CACNA1D: variants seen among roughly 807,000 people sequenced by gnomAD.
The protein encoded by CACNA1D is voltage-dependent L-type calcium channel subunit alpha-1D.
Under a neutral mutation model 257.1 loss-of-function variants are expected in CACNA1D, and 55 were observed. The observed-to-expected ratio is 0.21, with a 90% CI of 0.17 to 0.27. The LOEUF (loss-of-function observed/expected upper bound fraction) is 0.27. Among genes scored for constraint, CACNA1D ranks in the 10% least tolerant of loss-of-function variants. The pLI is 1.00. For synonymous variants in CACNA1D, 980 were observed against 1,014.9 expected, an observed-to-expected ratio of 0.97 and a Z score of 0.65; for missense variants, 1,876 against 2,784.0, an observed-to-expected ratio of 0.67 and a Z score of 7.34.
At chr3:53,590,444 G>T (rs377456617) in intron 3 of CACNA1D, among the ~76,000 whole-genome samples, 25 of 152,364 alleles carry the variant, frequency 1.6e-4, no homozygotes, top group African/African-American at 5.8e-4. Context: ...GTATAGGGCA[G>T]ACCTAGTTTC....
At chr3:53,641,787 G>A (rs2093954010) in intron 3 of CACNA1D, among the ~76,000 whole-genome samples, 1 of 152,192 alleles carries the variant, frequency 6.6e-6, no homozygotes, top group Non-Finnish European at 1.5e-5. Flanking sequence ...GGAAAGCTGA[G>A]CCTAGATGAA....
At chr3:53,672,197 C>G (rs368522723) in intron 7 of CACNA1D, among the ~76,000 whole-genome samples, 2 of 152,188 alleles carry the variant, frequency 1.3e-5, no homozygotes, top group African/African-American at 4.8e-5. Context: ...CCTTTCACCT[C>G]TAAACCCAGT....
chr3:53,687,083 T>C (rs1488475681), intron 8 of CACNA1D, among the ~76,000 whole-genome samples: 1 of 151,998 alleles, frequency 6.6e-6, no homozygotes, highest in Non-Finnish European at 1.5e-5. Context: ...AGAAAAGATA[T>C]GGAAGACCTC....
chr3:53,554,753 A>G (rs552047379), intron 3 of CACNA1D, among the ~76,000 whole-genome samples: 31 of 152,358 alleles, frequency 2.0e-4, no homozygotes, highest in Admixed American at 1.9e-3. Context: ...GTAACCACCC[A>G]GGGACCAGCA....
At position 53,547,544 on chromosome 3, in the gene CACNA1D, G is replaced by A. The variant is rs75009694; in HGVS notation, c.483+45824G>A. Among the ~76,000 whole-genome samples, 1,059 of 152,236 alleles carry A rather than the reference G, an allele frequency of 7.0e-3. 16 individuals carry two copies. The highest frequency in any genetic ancestry group is 0.024 in the African/African-American group (1,002 of 41,520). ...TTGTGAGTCAGTTCTTTAGATGGGT[G>A]CGTCAGGGTTCTGCCTTCCTGTATT... On this transcript the variant is annotated intron_variant, in intron 3 of 47. Coordinates refer to ENST00000350061, the MANE Select transcript of CACNA1D (RefSeq NM_001128840.3).
In CACNA1D at chr3:53,530,603, T is replaced by G. The variant is rs150229801; in HGVS notation, c.483+28883T>G. On this transcript the variant is annotated intron_variant, in intron 3 of 47. Transcript: ENST00000350061. ...GCTTGAAGCACCTGGTGACATCTGC[T>G]TGACAGGCTTCCCCTCCCCACTGTT... Among the ~76,000 whole-genome samples, 19 of 152,314 alleles carry G rather than the reference T, an allele frequency of 1.2e-4. No homozygotes were observed. The East Asian group carries it at 3.7e-3, about 29-fold the overall frequency.
intron 3 of CACNA1D, among the ~76,000 whole-genome samples, chr3:53,646,214 A>C (rs1394973247): frequency 1.3e-5 from 2 of 152,196 alleles, no homozygotes; most frequent in Non-Finnish European, 2.9e-5. Flanking sequence ...AGAGGAATCT[A>C]GGCAAGGATG....
At chr3:53,716,831 G>A (rs763956447) in intron 9 of CACNA1D, among the ~76,000 whole-genome samples, 3 of 152,168 alleles carry the variant, frequency 2.0e-5, no homozygotes, top group African/African-American at 2.4e-5. Flanking sequence ...AACGGATCAG[G>A]GATCTTCTTT....
intron 4 of CACNA1D, among the ~76,000 whole-genome samples, chr3:53,651,361 AT>A: frequency 1.7e-5 from 1 of 57,184 alleles, no homozygotes; most frequent in East Asian, 7.3e-4. Context: ...AAAGCTATTA[AT>A]TTTCTTTTTT....
At chr3:53,629,154 C>CT (rs2093794117) in intron 3 of CACNA1D, among the ~76,000 whole-genome samples, 1 of 152,194 alleles carries the variant, frequency 6.6e-6, no homozygotes, top group Non-Finnish European at 1.5e-5. Context: ...GGCAGTAAAG[C>CT]TTTATTTACG....
chr3:53,679,657 G>A (rs926606976), intron 8 of CACNA1D: 5 of 152,228 alleles, frequency 3.3e-5, no homozygotes, highest in Non-Finnish European at 7.3e-5. Context: ...CCTATGTGTT[G>A]TAGTGATGAT....
rs1051389374 is a variant in CACNA1D, at chr3:53,800,269, T to C, written c.4944T>C (p.His1648=). The change falls in exon 41 of 48, where the codon CAT becomes CAC. Residue 1648 remains histidine (H), a synonymous_variant. Coordinates refer to ENST00000350061, the MANE Select transcript of CACNA1D (RefSeq NM_001128840.3). The surrounding 1 kb of genome is among the most constrained non-coding windows in gnomAD (Gnocchi z 4.3). Reference sequence around the variant, plus strand: ...TCTAGGCGGGATTAAGGACACTGCATGACATTGGGCCAGAAATCCGGCGTG... The same window carrying C: ...TCTAGGCGGGATTAAGGACACTGCACGACATTGGGCCAGAAATCCGGCGTG... The part of the protein sequence containing the change: ...IALQAGLRTL[H]DIGPEIRRAI... 5.0e-6 allele frequency: 8 copies of C among 1,613,666 alleles called. No homozygotes were observed. The Admixed American group carries it at 1.3e-4, about 27-fold the overall frequency.
chr3:53,767,390 C>A (rs933419010), intron 30 of CACNA1D, among the ~76,000 whole-genome samples: 4 of 151,968 alleles, frequency 2.6e-5, no homozygotes, highest in Admixed American at 1.3e-4. Context: ...CATGGTGAAA[C>A]CTCATCTCTA....
intron 3 of CACNA1D, among the ~76,000 whole-genome samples, chr3:53,599,151 A>G (rs2093410047): frequency 6.6e-6 from 1 of 152,202 alleles, no homozygotes; most frequent in African/African-American, 2.4e-5. Flanking sequence ...CTTTGCCTGA[A>G]TTTCATTTTT....
At chr3:53,555,555 T>A (rs2107609076) in intron 3 of CACNA1D, among the ~76,000 whole-genome samples, 1 of 150,556 alleles carries the variant, frequency 6.6e-6, no homozygotes, top group East Asian at 2.0e-4. Context: ...TAGGACTTTC[T>A]AAACCTGAGG....
rs112400905 is a variant in CACNA1D at position 53,721,048 on chromosome 3, C to T, written c.1506-1266C>T. ...GAATGGGTAGACACACTGTGGTTCA[C>T]CAGTATGATGGAGTACTAGTTCATG... On this transcript the variant is annotated intron_variant, in intron 11 of 47. Transcript: ENST00000350061. 7.7e-4 allele frequency among the ~76,000 whole-genome samples: 118 copies of T among 152,290 alleles called. 1 individual carries two copies. The highest frequency in any genetic ancestry group is 2.8e-3 in the African/African-American group (115 of 41,564).
chr3:53,614,586 C>T (rs1028588502), intron 3 of CACNA1D, among the ~76,000 whole-genome samples: 2 of 152,184 alleles, frequency 1.3e-5, no homozygotes, highest in African/African-American at 4.8e-5. Flanking sequence ...CCTGTTAAAG[C>T]GTCACACTTT....
intron 3 of CACNA1D, among the ~76,000 whole-genome samples, chr3:53,594,352 C>T (rs1002476450): frequency 1.3e-5 from 2 of 152,164 alleles, no homozygotes; most frequent in African/African-American, 4.8e-5. Context: ...AGGATAAGCT[C>T]GATCCCAGGT....
chr3:53,597,698 C>T (rs61301745), intron 3 of CACNA1D, among the ~76,000 whole-genome samples: 25 of 152,238 alleles, frequency 1.6e-4, no homozygotes, highest in African/African-American at 3.9e-4. Flanking sequence ...CGGCACAGGT[C>T]GCTTCATGAG....
Sources: allele counts gnomAD v4.1 joint callset (sites outside exome capture counted in the v4.1 genomes callset), GRCh38; gene constraint gnomAD v4.1.1; non-coding constraint Gnocchi (gnomAD v3.1); transcripts MANE v1.5; gene names NCBI Gene and HGNC (gene_info 2026-07-23, HGNC 2026-07-21).